Variants in PRDX5 observed in about 807,000 individuals in gnomAD.
The protein encoded by PRDX5 is peroxiredoxin-5, mitochondrial.
Under a neutral mutation model 23.8 loss-of-function variants are expected in PRDX5, and 21 were observed. That is an observed-to-expected ratio of 0.88 (90% confidence interval 0.63 to 1.27). PRDX5 has a LOEUF of 1.27. PRDX5 is among the 50% of genes most tolerant of loss of function. The pLI, the probability that PRDX5 is intolerant of heterozygous loss-of-function variation, is 0.00. For missense variants in PRDX5, 261 were observed against 270.6 expected (o/e 0.96, Z 0.25); for synonymous variants, 111 against 113.3 (o/e 0.98, Z 0.13).
At position 64,321,698 on chromosome 11, in the gene PRDX5, G is replaced by A. The variant is rs1205311479; in HGVS notation, c.*7G>A. 6 of 1,559,616 alleles carry A rather than the reference G, an allele frequency of 3.8e-6. No individual in the cohort carries two copies. The South Asian group carries it at 7.0e-5, about 18-fold the overall frequency. On this transcript the variant is annotated 3_prime_UTR_variant, in exon 6 of 6. Coordinates refer to ENST00000265462, the MANE Select transcript of PRDX5 (RefSeq NM_012094.5). ...TATCATCTCACAGCTCTGAGGCCCT[G>A]GGCCAGATTACTTCCTCCACCCCTC...
intron 5 of PRDX5, 27 bp downstream of exon 5, chr11:64,321,095 A>T (rs1453456484): frequency 1.2e-5 from 17 of 1,367,088 alleles, no homozygotes; most frequent in Admixed American, 1.8e-5. Context: ...CTCTGTGGAG[A>T]GAGTCCTCTG....
intron 4 of PRDX5, 21 bp downstream of exon 4, chr11:64,320,924 C>CA (rs1310708101): frequency 3.7e-6 from 6 of 1,614,078 alleles, no homozygotes. Context: ...CCCTGACCGC[C>CA]ACAGGGACAT....
At chr11:64,318,912 T>C (rs2035408575) in intron 1 of PRDX5, among the ~76,000 whole-genome samples, 1 of 128,280 alleles carries the variant, frequency 7.8e-6, no homozygotes. Context: ...CCCGGCCTGA[T>C]TTCCCCTATC....
chr11:64,321,560 G>T (rs781115527), intron 5 of PRDX5, 26 bp from the exon 6 acceptor site: 4 of 1,608,388 alleles, frequency 2.5e-6, no homozygotes, highest in Non-Finnish European at 3.4e-6. Context: ...GGCTGATGCA[G>T]CTGGCTGGGC....
Position 64,319,811 on chromosome 11 carries a change from G to C in PRDX5, c.249G>C (p.Lys83Asn). The change falls in exon 2 of 6, where the codon AAG becomes AAC. Residue 83 changes from lysine to asparagine, a missense_variant. By Grantham distance (94) the Lys-to-Asn change is moderately conservative. Transcript: ENST00000265462. Reference sequence around the variant, plus strand: ...AGGTGAACCTGGCAGAGCTGTTCAAGGGCAAGAAGGGTGTGCTGTTTGGAG... The same window carrying C: ...AGGTGAACCTGGCAGAGCTGTTCAACGGCAAGAAGGGTGTGCTGTTTGGAG... ...GNKVNLAELFKGKKGVLFGVP... is the reference protein window; with the variant it reads ...GNKVNLAELFNGKKGVLFGVP... The C allele has an allele frequency of 6.2e-7, 1 of 1,614,190 alleles. No individual in the cohort carries two copies.
intron 1 of PRDX5, 33 bp downstream of exon 1, chr11:64,318,419 C>T: frequency 6.3e-7 from 1 of 1,579,874 alleles, no homozygotes; most frequent in Non-Finnish European, 8.6e-7. Flanking sequence ...CTGACATCCC[C>T]CACTACCCCC....
Position 64,319,663 on chromosome 11 carries a change from T to C in PRDX5, c.172-71T>C. On this transcript the variant is annotated intron_variant, in intron 1 of 5. Coordinates refer to ENST00000265462, the MANE Select transcript of PRDX5 (RefSeq NM_012094.5). ...TCCTGCAGGCACAGCTGCCAGGCTCTCTGTTCACCTTCCTGCCTCTGGTTT... is the reference window on the plus strand; with the variant it reads ...TCCTGCAGGCACAGCTGCCAGGCTCCCTGTTCACCTTCCTGCCTCTGGTTT... 3 of 1,528,498 alleles carry C rather than the reference T, an allele frequency of 2.0e-6. No individual in the cohort carries two copies. The South Asian group carries it at 3.7e-5, about 19-fold the overall frequency. The allele number at this position is 1,528,498 out of a possible 1,614,324, so 94.7% of individuals were successfully genotyped here. A position where few individuals can be genotyped will look rare whatever the true frequency, so the allele number is the denominator to read the frequency against.
rs1385432056 is a variant in PRDX5 at position 64,321,131 on chromosome 11, A to AGTCCTCTGTGGAGAGG, written c.539+75_539+90dup. 23 of 1,293,604 alleles carry AGTCCTCTGTGGAGAGG rather than the reference A, an allele frequency of 1.8e-5. No homozygotes were observed. In the East Asian group the frequency reaches 5.5e-4, roughly 31 times the overall value. 80.1% of individuals were successfully genotyped at this position (1,293,604 alleles called of 1,614,324 possible). A position where few individuals can be genotyped will look rare whatever the true frequency, so the allele number is the denominator to read the frequency against. On this transcript the variant is annotated intron_variant, in intron 5 of 5. Coordinates refer to ENST00000265462, the MANE Select transcript of PRDX5 (RefSeq NM_012094.5). ...TGGGAGAGAGTCCTCTGTGGGAGAG[A>AGTCCTCTGTGGAGAGG]GTCCTCTGTGGAGAGGGTCCTCTGT... is the stretch of plus-strand genomic sequence containing the variant.
At chr11:64,321,188 G>A in intron 5 of PRDX5, 120 bp downstream of exon 5, 3 of 1,182,366 alleles carry the variant, frequency 2.5e-6, no homozygotes, top group Non-Finnish European at 3.7e-6. Context: ...AGAGTCCTCT[G>A]TGTGGGAGAG....
chr11:64,321,149 T>A, intron 5 of PRDX5, 81 bp downstream of exon 5: 1 of 1,476,822 alleles, frequency 6.8e-7, no homozygotes, highest in Non-Finnish European at 9.4e-7. Context: ...GTGGAGAGGG[T>A]CCTCTGTGGG....
intron 1 of PRDX5, among the ~76,000 whole-genome samples, chr11:64,319,516 C>A (rs2035431153): frequency 6.6e-6 from 1 of 152,222 alleles, no homozygotes; most frequent in Non-Finnish European, 1.5e-5. Flanking sequence ...CACCAATGGC[C>A]CCTTAAGAGG....
chr11:64,318,560 G>A (rs992216089), intron 1 of PRDX5, among the ~76,000 whole-genome samples, 174 bp downstream of exon 1: 3 of 152,096 alleles, frequency 2.0e-5, no homozygotes, highest in African/African-American at 7.2e-5. Flanking sequence ...CCAATCGTGG[G>A]GGCCTCACCT....
At chr11:64,320,439 A>G (rs573820937) in intron 2 of PRDX5, among the ~76,000 whole-genome samples, 1 of 152,242 alleles carries the variant, frequency 6.6e-6, no homozygotes, top group Non-Finnish European at 1.5e-5. Flanking sequence ...TAAATAAGAC[A>G]TAGATCTGCC....
Position 64,320,660 on chromosome 11 carries a change from G to A in PRDX5, c.307-1G>A, listed in dbSNP as rs139288327. ...GCCGACCCTTTGTTCCCCTTCCTCA[G>A]ACACACCTGCCAGGGTTTGTGGAGC... On this transcript the variant is annotated splice_acceptor_variant, in intron 2 of 5. Coordinates refer to ENST00000265462, the MANE Select transcript of PRDX5 (RefSeq NM_012094.5). LOFTEE classifies it high-confidence loss of function. 55 of 1,588,708 alleles carry A rather than the reference G, an allele frequency of 3.5e-5. No individual in the cohort carries two copies. Among genetic ancestry groups the A allele is most frequent in the Non-Finnish European group, 4.0e-5 (47 of 1,165,348 alleles).
At chr11:64,320,418 T>C (rs2035463018) in intron 2 of PRDX5, among the ~76,000 whole-genome samples, 1 of 152,216 alleles carries the variant, frequency 6.6e-6, no homozygotes, top group Admixed American at 6.5e-5. Context: ...GGAAGGTGCT[T>C]GGGACTCAGA....
intron 2 of PRDX5, 106 bp downstream of exon 2, chr11:64,319,974 C>T: frequency 2.0e-6 from 3 of 1,466,228 alleles, no homozygotes; most frequent in Non-Finnish European, 2.8e-6. Flanking sequence ...TCAGTGCCAT[C>T]ACAAAACAAG....
Position 64,318,246 on chromosome 11 carries a change from C to G in PRDX5, c.31C>G (p.Arg11Gly). 1 of 1,612,100 alleles carries G rather than the reference C, an allele frequency of 6.2e-7. No homozygotes were observed. MGLAGVCALR[R>G]SAGYILVGGA... ...ACTAGCTGGCGTGTGCGCCCTGAGA[C>G]GCTCAGCGGGCTATATACTCGTCGG... Residue 11 changes from arginine (R) to glycine (G), a missense_variant, in exon 1 of 6, where the codon CGC (arginine) becomes GGC (glycine). By Grantham distance (125) the Arg-to-Gly change is moderately radical. Coordinates refer to ENST00000265462, the MANE Select transcript of PRDX5 (RefSeq NM_012094.5).
chr11:64,318,514 C>T, intron 1 of PRDX5, 128 bp downstream of exon 1: 1 of 1,258,738 alleles, frequency 7.9e-7, no homozygotes, highest in South Asian at 1.4e-5. Flanking sequence ...CCGGCTCATC[C>T]CTTCAGAAGG....
intron 1 of PRDX5, 85 bp from the exon 2 acceptor site, chr11:64,319,649 C>T: frequency 6.7e-7 from 1 of 1,496,404 alleles, no homozygotes; most frequent in Non-Finnish European, 9.0e-7. Context: ...CCTGCAGGCA[C>T]AGCTGCCAGG....
Sources: allele counts gnomAD v4.1 joint callset (sites outside exome capture counted in the v4.1 genomes callset), GRCh38; gene constraint gnomAD v4.1.1; transcripts MANE v1.5; gene names NCBI Gene and HGNC (gene_info 2026-07-23, HGNC 2026-07-21).